The following TBC1D1 variants were observed in gnomAD, a reference collection of about 807,000 sequenced individuals.
TBC1D1 encodes the protein TBC1 domain family member 1, also known as TBC1 (tre-2/USP6, BUB2, cdc16) domain family, member 1.
TBC1D1 carries 89 observed loss-of-function variants against 125.6 expected under a neutral mutation model. The observed-to-expected ratio is 0.71, with a 90% CI of 0.60 to 0.85. TBC1D1 has a LOEUF of 0.85. TBC1D1 is among the 40% of genes least tolerant of loss of function. The pLI, the probability that TBC1D1 is intolerant of heterozygous loss-of-function variation, is 0.00. For missense variants in TBC1D1, 1,377 were observed against 1,469.2 expected (o/e 0.94, Z 1.03); for synonymous variants, 565 against 564.1 (o/e 1.00, Z -0.02).
chr4:38,087,049 A>G (rs1757603761), intron 12 of TBC1D1, among the ~76,000 whole-genome samples: 1 of 152,254 alleles, frequency 6.6e-6, no homozygotes, highest in African/African-American at 2.4e-5. Flanking sequence ...AATGGAGATC[A>G]TAATATCACC....
chr4:37,979,059 T>C (rs1733840562), intron 2 of TBC1D1, among the ~76,000 whole-genome samples: 1 of 152,102 alleles, frequency 6.6e-6, no homozygotes, highest in Non-Finnish European at 1.5e-5. Context: ...GTATTTTCAG[T>C]AGAGATGGGG....
intron 13 of TBC1D1, among the ~76,000 whole-genome samples, chr4:38,092,293 T>TA (rs1021982349): frequency 6.6e-6 from 1 of 152,140 alleles, no homozygotes; most frequent in Non-Finnish European, 1.5e-5. Context: ...GGTTTATTGA[T>TA]AAAAACAAGA....
intron 2 of TBC1D1, among the ~76,000 whole-genome samples, chr4:37,985,380 A>G (rs777222298): frequency 2.0e-5 from 3 of 152,206 alleles, no homozygotes; most frequent in Non-Finnish European, 2.9e-5. Context: ...TTAAATTTAT[A>G]TGAAAAAGCT....
rs1200586066 is a variant in TBC1D1, at chr4:38,021,720, T to G, written c.1210+2T>G. The G allele has an allele frequency of 6.4e-7, 1 of 1,558,118 alleles. No homozygotes were observed. The highest frequency in any genetic ancestry group is 1.2e-5 in the South Asian group (1 of 83,590). Reference sequence around the variant, plus strand: ...ACAAGCTCTGTGAGAGGATAGAGGGTGAGTAGGGGACCCTTTCCAGCATGA... The same window carrying G: ...ACAAGCTCTGTGAGAGGATAGAGGGGGAGTAGGGGACCCTTTCCAGCATGA... On this transcript the variant is annotated splice_donor_variant, in intron 6 of 19. Transcript: ENST00000261439. LOFTEE classifies it high-confidence loss of function.
At chr4:38,047,107 A>G (rs1749639167) in intron 10 of TBC1D1, among the ~76,000 whole-genome samples, 1 of 152,238 alleles carries the variant, frequency 6.6e-6, no homozygotes, top group Non-Finnish European at 1.5e-5. Context: ...ACAACATACA[A>G]TACATACTGA....
At chr4:37,993,356 C>T (rs532537894) in intron 2 of TBC1D1, among the ~76,000 whole-genome samples, 5 of 152,222 alleles carry the variant, frequency 3.3e-5, no homozygotes, top group African/African-American at 1.2e-4. Context: ...TTACCCTGCG[C>T]CTCCCCTTAA....
chr4:38,018,302 G>C (rs1263613773), intron 3 of TBC1D1, 52 bp from the exon 4 acceptor site: 5 of 1,284,228 alleles, frequency 3.9e-6, no homozygotes, highest in Non-Finnish European at 5.6e-6. Context: ...ATTTTCATAG[G>C]TCATGAAATG....
At chr4:38,091,076 A>G (rs17607518) in intron 13 of TBC1D1, among the ~76,000 whole-genome samples, 19,903 of 152,228 alleles carry the variant, frequency 0.13, 1,821 homozygotes, top group East Asian at 0.42. Flanking sequence ...TTCTCTGTGC[A>G]TGTCCCTACA....
At chr4:37,950,408 T>A (rs1727585535) in intron 2 of TBC1D1, among the ~76,000 whole-genome samples, 1 of 151,962 alleles carries the variant, frequency 6.6e-6, no homozygotes, top group Non-Finnish European at 1.5e-5. Context: ...TCATAAAGTT[T>A]TTCATTCATT....
chr4:37,930,356 C>T (rs184505561), intron 2 of TBC1D1, among the ~76,000 whole-genome samples: 32 of 152,288 alleles, frequency 2.1e-4, no homozygotes, highest in Admixed American at 7.8e-4. Context: ...GAGTCTCACT[C>T]TGTCACCCAG....
chr4:38,135,902 G>A (rs1183052644), intron 19 of TBC1D1, among the ~76,000 whole-genome samples: 5 of 147,676 alleles, frequency 3.4e-5, no homozygotes, highest in African/African-American at 1.0e-4. Context: ...ATGTGTGTGT[G>A]TATATATACG....
At chr4:37,921,075 A>G (rs995438710) in intron 2 of TBC1D1, among the ~76,000 whole-genome samples, 12 of 140,770 alleles carry the variant, frequency 8.5e-5, no homozygotes, top group Non-Finnish European at 1.5e-4. Context: ...GCGCCACTGC[A>G]CTCCAGCCAG....
intron 2 of TBC1D1, among the ~76,000 whole-genome samples, chr4:37,996,661 T>C (rs1737873585): frequency 6.6e-6 from 1 of 152,260 alleles, no homozygotes; most frequent in Non-Finnish European, 1.5e-5. Context: ...TTGATAGTTA[T>C]AACACATGCT....
At position 38,096,022 on chromosome 4, in the gene TBC1D1, T is replaced by C; in HGVS notation, c.2330T>C (p.Met777Thr). The change falls in exon 14 of 20, where the codon ATG becomes ACG. Residue 777 changes from methionine (M) to threonine (T), a missense_variant. By Grantham distance (81) the Met-to-Thr change is moderately conservative. Coordinates refer to ENST00000261439, the MANE Select transcript of TBC1D1 (RefSeq NM_015173.4). ...GAAGTAACTACAGTGTGGGAAAAGA[T>C]GCTTAGCACTCCAGGAAGATCAAAA... 6.2e-7 allele frequency: 1 copy of C among 1,614,124 alleles called. No homozygotes were observed. Among genetic ancestry groups the C allele is most frequent in the Non-Finnish European group, 8.5e-7 (1 of 1,179,986 alleles).
At chr4:38,095,894 C>T (rs1458595743) in intron 13 of TBC1D1, 35 bp from the exon 16 acceptor site, 1 of 1,579,298 alleles carries the variant, frequency 6.3e-7, no homozygotes, top group Non-Finnish European at 8.6e-7. Context: ...ATAGCTGTAG[C>T]CTTTACTAAT....
intron 12 of TBC1D1, among the ~76,000 whole-genome samples, chr4:38,058,558 T>A (rs545829106): frequency 7.2e-5 from 11 of 152,226 alleles, no homozygotes; most frequent in Non-Finnish European, 1.5e-4. Context: ...AAATAGATCT[T>A]AACAGTACCT....
Position 38,049,831 on chromosome 4 carries a change from C to T in TBC1D1, c.1843C>T (p.Pro615Ser), listed in dbSNP as rs755349695. 6 of 1,614,008 alleles carry T rather than the reference C, an allele frequency of 3.7e-6. No homozygotes were observed. The African/African-American group carries it at 6.7e-5, about 18-fold the overall frequency. ...ACCTCCACAACCTGCCCGGGGGTCC[C>T]CGGGGGTTTCGCAAAGGAAACTTAT... Residue 615 changes from proline (P) to serine (S), a missense_variant, in exon 11 of 20, where the codon CCG (proline) becomes TCG (serine). Pro to Ser is a moderately conservative substitution (Grantham distance 74). Around this residue, in one of 3 missense-constraint regions of TBC1D1, gnomAD observed 822 missense variants for 824.6 expected, o/e 1.00. Coordinates refer to ENST00000261439, the MANE Select transcript of TBC1D1 (RefSeq NM_015173.4).
chr4:37,912,192 C>G (rs933548958), intron 2 of TBC1D1, among the ~76,000 whole-genome samples: 1 of 152,142 alleles, frequency 6.6e-6, no homozygotes, highest in Non-Finnish European at 1.5e-5. Context: ...GGAAGTTGTT[C>G]CCTGTAATAT....
At chr4:38,123,078 C>G (rs1560267346) in intron 17 of TBC1D1, among the ~76,000 whole-genome samples, 1 of 152,168 alleles carries the variant, frequency 6.6e-6, no homozygotes, top group Non-Finnish European at 1.5e-5. Context: ...GTTGTGCTGA[C>G]AAAAGTTTCC....
Sources: allele counts gnomAD v4.1 joint callset (sites outside exome capture counted in the v4.1 genomes callset), GRCh38; gene constraint gnomAD v4.1.1; regional missense constraint gnomAD v4.1.1; transcripts MANE v1.5; gene names NCBI Gene and HGNC (gene_info 2026-07-23, HGNC 2026-07-21).